KALRN: variants seen among roughly 807,000 people sequenced by gnomAD.
KALRN encodes the protein kalirin RhoGEF kinase.
In KALRN, 70 loss-of-function variants were observed where a neutral mutation model predicts 353.7. The observed-to-expected ratio is 0.20, with a 90% CI of 0.16 to 0.24. KALRN has a LOEUF of 0.24. KALRN is among the 10% of genes least tolerant of loss of function. The pLI, the probability that KALRN is intolerant of heterozygous loss-of-function variation, is 1.00. For missense variants in KALRN, 2,791 were observed against 3,756.7 expected (o/e 0.74, Z 6.72); for synonymous variants, 1,391 against 1,434.8 (o/e 0.97, Z 0.69).
At chr3:124,700,995 C>T (rs976176887) in intron 56 of KALRN, among the ~76,000 whole-genome samples, 9 of 152,178 alleles carry the variant, frequency 5.9e-5, no homozygotes, top group Admixed American at 4.6e-4. Context: ...ATGGATAAGC[C>T]GCCTTCAGTC....
At chr3:124,623,499 G>C (rs1314364280) in intron 34 of KALRN, among the ~76,000 whole-genome samples, 1 of 151,892 alleles carries the variant, frequency 6.6e-6, no homozygotes, top group Non-Finnish European at 1.5e-5. Context: ...GAAGCAAGGA[G>C]AGCCAGTCCA....
intron 14 of KALRN, among the ~76,000 whole-genome samples, chr3:124,418,863 C>A (rs997260710): frequency 6.6e-6 from 1 of 152,094 alleles, no homozygotes; most frequent in Non-Finnish European, 1.5e-5. Context: ...AGCTTTAAGA[C>A]TTACTAATGG....
At chr3:124,199,367 A>T (rs1489969892) in intron 1 of KALRN, among the ~76,000 whole-genome samples, 1 of 152,178 alleles carries the variant, frequency 6.6e-6, no homozygotes, top group Non-Finnish European at 1.5e-5. Flanking sequence ...GGACTCTTGC[A>T]TCCTAAAGAG....
In KALRN at chr3:124,679,448, G is replaced by T. The variant is rs1185668029; in HGVS notation, c.7318-10G>T. 6.2e-7 allele frequency: 1 copy of T among 1,611,550 alleles called. No homozygotes were observed. The highest frequency in any genetic ancestry group is 8.5e-7 in the Non-Finnish European group (1 of 1,178,062). ...CTCTTTCTTCCCCCTTCCTCATGCT[G>T]CCAATCAAGGAGACGAACAGTTCCG... On this transcript the variant is annotated splice_polypyrimidine_tract_variant and intron_variant, in intron 50 of 59. Coordinates refer to ENST00000682506, the MANE Select transcript of KALRN (RefSeq NM_001388419.1).
rs554293709 is a variant in KALRN, at chr3:124,171,242, C to G, written c.74-56748C>G. ...AACTATTTGCTTACTGGCTTAGCTA[C>G]TTGGGTTGGCATCAGCTGGGCAGTT... On this transcript the variant is annotated intron_variant, in intron 1 of 59. Transcript: ENST00000682506. 9.8e-5 allele frequency among the ~76,000 whole-genome samples: 15 copies of G among 152,314 alleles called. No homozygotes were observed. The South Asian group carries it at 2.5e-3, about 25-fold the overall frequency.
chr3:124,665,869 C>A (rs2150304235), intron 45 of KALRN, among the ~76,000 whole-genome samples: 1 of 152,328 alleles, frequency 6.6e-6, no homozygotes, highest in African/African-American at 2.4e-5. Flanking sequence ...TGGCCTATAA[C>A]TAGAAACTAA....
At chr3:124,463,304 C>T (rs1305738809) in intron 25 of KALRN, among the ~76,000 whole-genome samples, 1 of 152,130 alleles carries the variant, frequency 6.6e-6, no homozygotes, top group Non-Finnish European at 1.5e-5. Context: ...AATCTCAAGA[C>T]ACAAAGAAGA....
intron 10 of KALRN, among the ~76,000 whole-genome samples, chr3:124,361,338 T>C (rs959870704): frequency 9.2e-5 from 14 of 152,340 alleles, no homozygotes; most frequent in Non-Finnish European, 2.1e-4. Flanking sequence ...ACAGAAATAA[T>C]CCACCCACTT....
chr3:124,314,946 C>T (rs2078666499), intron 6 of KALRN, among the ~76,000 whole-genome samples: 1 of 152,182 alleles, frequency 6.6e-6, no homozygotes, highest in Non-Finnish European at 1.5e-5. Flanking sequence ...CCACCATGCC[C>T]AGCCCAGGTT....
intron 27 of KALRN, among the ~76,000 whole-genome samples, chr3:124,480,295 A>C (rs772773295): frequency 2.0e-5 from 3 of 152,218 alleles, no homozygotes; most frequent in Non-Finnish European, 4.4e-5. Context: ...ACCTCTGGGA[A>C]AGAGGCAAAT....
chr3:124,694,498 C>G lies in KALRN; in HGVS notation c.7572C>G (p.Ser2524=). 6.2e-7 allele frequency: 1 copy of G among 1,613,552 alleles called. No individual in the cohort carries two copies. Among genetic ancestry groups the G allele is most frequent in the Non-Finnish European group, 8.5e-7 (1 of 1,179,866 alleles). The change falls in exon 53 of 60, where the codon TCC becomes TCG. Residue 2524 remains serine, a synonymous_variant. Coordinates refer to ENST00000682506, the MANE Select transcript of KALRN (RefSeq NM_001388419.1). ...TDNSSATYTV[S]SCDSGEITLK... ...ACAGCTCAGCCACATACACGGTCTC[C>G]TCTTGGTAAGCCGATTGCCCTAACA... is the stretch of plus-strand genomic sequence containing the variant.
At chr3:124,260,074 A>T (rs963049978) in intron 3 of KALRN, among the ~76,000 whole-genome samples, 4 of 152,144 alleles carry the variant, frequency 2.6e-5, no homozygotes, top group Non-Finnish European at 4.4e-5. Context: ...GTGCATTCTG[A>T]TTTGAAGCCT....
chr3:124,282,157 CA>C (rs1389685944), intron 5 of KALRN, among the ~76,000 whole-genome samples: 2 of 152,042 alleles, frequency 1.3e-5, no homozygotes, highest in Non-Finnish European at 2.9e-5. Context: ...GGCTGGATGT[CA>C]GGGGGCAAAG....
intron 16 of KALRN, 69 bp from the exon 17 acceptor site, chr3:124,434,238 C>T: frequency 8.3e-7 from 1 of 1,206,426 alleles, no homozygotes; most frequent in South Asian, 1.3e-5. Flanking sequence ...ACTCACGCCT[C>T]ACTCCACCCC....
chr3:124,155,235 C>T lies in KALRN; in HGVS notation c.74-72755C>T, dbSNP rs79220298. On this transcript the variant is annotated intron_variant, in intron 1 of 59. Transcript: ENST00000682506. ...ATGTCTAAAACACCAAAGGAACCTT[C>T]TTCTTCTTCTCTTCTGCACCCTCCA... is the stretch of plus-strand genomic sequence containing the variant. Among the ~76,000 whole-genome samples the T allele has an allele frequency of 7.1e-4, 108 of 152,300 alleles. No homozygotes were observed. The South Asian group carries it at 0.015, about 21-fold the overall frequency.
intron 51 of KALRN, among the ~76,000 whole-genome samples, chr3:124,683,653 C>T (rs2061436411): frequency 6.6e-6 from 1 of 152,194 alleles, no homozygotes; most frequent in South Asian, 2.1e-4. Context: ...TGTCATCATT[C>T]CAAAAAGACC....
chr3:124,137,942 T>C (rs1043565108), intron 1 of KALRN, among the ~76,000 whole-genome samples: 3 of 152,028 alleles, frequency 2.0e-5, no homozygotes, highest in African/African-American at 7.2e-5. Context: ...TTCTGTAAAG[T>C]ATGTGTTTTT....
At chr3:124,419,176 G>A (rs1035082497) in intron 14 of KALRN, among the ~76,000 whole-genome samples, 2 of 151,714 alleles carry the variant, frequency 1.3e-5, no homozygotes, top group Non-Finnish European at 2.9e-5. Context: ...TACAGTAGGC[G>A]AGTACATAAA....
chr3:124,045,828 T>C (rs939285930), intron 1 of KALRN, among the ~76,000 whole-genome samples: 2 of 151,642 alleles, frequency 1.3e-5, no homozygotes, highest in Non-Finnish European at 2.9e-5. Flanking sequence ...TGCACACTAA[T>C]GTATAGAGGA....
Sources: gnomAD v4.1 joint callset for allele counts (sites outside exome capture counted in the v4.1 genomes callset) on GRCh38, gnomAD v4.1.1 for gene constraint, MANE v1.5 for transcripts, NCBI Gene and HGNC (gene_info 2026-07-23, HGNC 2026-07-21) for gene names.